PTPRT: variants seen among roughly 807,000 people sequenced by gnomAD.
PTPRT encodes the protein protein tyrosine phosphatase receptor type T.
In PTPRT, 56 loss-of-function variants were observed where a neutral mutation model predicts 176.8. The observed-to-expected ratio is 0.32, with a 90% confidence interval of 0.26 to 0.40. The LOEUF (loss-of-function observed/expected upper bound fraction) is 0.40. Among genes scored for constraint, PTPRT ranks in the 10% least tolerant of loss-of-function variants. The probability of loss-of-function intolerance (pLI) is 1.00; values close to 1 mark genes in which losing one functional copy is unlikely to be tolerated. For missense variants in PTPRT, 1,540 were observed against 1,908.2 expected (o/e 0.81, Z 3.60); for synonymous variants, 783 against 739.0 (o/e 1.06, Z -0.96).
At chr20:42,429,238 T>C (rs1009003422) in intron 9 of PTPRT, among the ~76,000 whole-genome samples, 41 of 152,136 alleles carry the variant, frequency 2.7e-4, no homozygotes, top group African/African-American at 9.7e-4. Flanking sequence ...ATGGTAAAGA[T>C]AATGGGGTCT....
intron 17 of PTPRT, among the ~76,000 whole-genome samples, chr20:42,145,214 T>C (rs1468582132): frequency 6.6e-6 from 1 of 151,992 alleles, no homozygotes; most frequent in Non-Finnish European, 1.5e-5. Context: ...CAAAAATAGG[T>C]GTTGGGGCCA....
At chr20:42,297,394 C>G (rs1441293867) in intron 12 of PTPRT, among the ~76,000 whole-genome samples, 2 of 152,090 alleles carry the variant, frequency 1.3e-5, no homozygotes, top group African/African-American at 4.8e-5. Flanking sequence ...ATAATGTAGA[C>G]TCGAACAAAT....
At position 43,177,261 on chromosome 20, in the gene PTPRT, T is replaced by C. The variant is rs113451087; in HGVS notation, c.88+12385A>G. ...TAGTGGAATTTATCCATGGTTCTTC[T>C]CCCTTCATCCATTTGGACCTGACAT... On this transcript the variant is annotated intron_variant, in intron 1 of 30. Transcript: ENST00000373187. 7.2e-3 allele frequency among the ~76,000 whole-genome samples: 1,096 copies of C among 152,292 alleles called. 7 individuals are homozygous for C. The highest frequency in any genetic ancestry group is 0.014 in the Middle Eastern group (4 of 294).
At chr20:42,573,852 C>T (rs537366954) in intron 7 of PTPRT, among the ~76,000 whole-genome samples, 1 of 146,758 alleles carries the variant, frequency 6.8e-6, no homozygotes, top group African/African-American at 2.5e-5. Flanking sequence ...CAGGTTTAAG[C>T]ACTTCTCTGC....
chr20:42,276,273 G>A (rs2057028167), intron 13 of PTPRT, among the ~76,000 whole-genome samples: 1 of 151,532 alleles, frequency 6.6e-6, no homozygotes, highest in Non-Finnish European at 1.5e-5. Flanking sequence ...GTCAAGTACT[G>A]AAAAGTGAGG....
the PTPRT span, among the ~76,000 whole-genome samples, chr20:42,049,700 G>A: frequency 6.6e-6 from 1 of 152,144 alleles, no homozygotes; most frequent in African/African-American, 2.4e-5. Context: ...TGTGGGGCTG[G>A]GGTACAGAAA....
intron 12 of PTPRT, among the ~76,000 whole-genome samples, chr20:42,286,218 A>G (rs2057228380): frequency 6.6e-6 from 1 of 151,866 alleles, no homozygotes; most frequent in Admixed American, 6.6e-5. Context: ...CATTATAGAA[A>G]TAGAAAGAAG....
intron 6 of PTPRT, among the ~76,000 whole-genome samples, chr20:42,741,610 TGCTGGGATTA>T (rs2076612023): frequency 6.6e-6 from 1 of 151,942 alleles, no homozygotes; most frequent in Admixed American, 6.6e-5. Flanking sequence ...CTTCCCAAAG[TGCTGGGATTA>T]CAGGCATGAG....
chr20:42,576,607 G>C (rs2073266689), intron 7 of PTPRT, among the ~76,000 whole-genome samples: 1 of 152,112 alleles, frequency 6.6e-6, no homozygotes, highest in South Asian at 2.1e-4. Context: ...GAGTTCTCTG[G>C]AACTTGCAAG....
rs139413690 is a variant in PTPRT, at chr20:42,393,763, C to T, written c.1561-41478G>A. 1.5e-3 allele frequency among the ~76,000 whole-genome samples: 232 copies of T among 152,344 alleles called. 1 individual carries two copies. The highest frequency in any genetic ancestry group is 3.8e-3 in the Admixed American group (58 of 15,300). ...GTTTTTAAATATTGTATCCTAACTT[C>T]ATTCTTCCTATAAGCCCTGTAATTT... On this transcript the variant is annotated intron_variant, in intron 9 of 30. Coordinates refer to ENST00000373187, the MANE Select transcript of PTPRT (RefSeq NM_007050.6).
chr20:43,069,900 G>T (rs940112013), intron 1 of PTPRT, among the ~76,000 whole-genome samples: 2 of 152,090 alleles, frequency 1.3e-5, no homozygotes, highest in Non-Finnish European at 2.9e-5. Flanking sequence ...ATCCTATTTT[G>T]CCAGGAAAGA....
At position 42,750,903 on chromosome 20, in the gene PTPRT, G is replaced by A. The variant is rs55839807; in HGVS notation, c.859+5559C>T. 3.6e-3 allele frequency among the ~76,000 whole-genome samples: 554 copies of A among 152,264 alleles called. 6 individuals are homozygous for A. The highest frequency in any genetic ancestry group is 0.013 in the African/African-American group (523 of 41,550). On this transcript the variant is annotated intron_variant, in intron 6 of 30. Transcript: ENST00000373187. The stretch of plus-strand genomic sequence containing the variant: ...TGAGGGGCCGAATTGTCAATTGAGC[G>A]AAACCTCAATTACAGAGTAATCTAA...
At chr20:42,558,300 T>C (rs2072894691) in intron 7 of PTPRT, among the ~76,000 whole-genome samples, 1 of 152,108 alleles carries the variant, frequency 6.6e-6, no homozygotes, top group Non-Finnish European at 1.5e-5. Context: ...TCCATCCACG[T>C]CCCTGAAAAA....
At chr20:42,183,685 C>A (rs1990613391) in intron 16 of PTPRT, among the ~76,000 whole-genome samples, 1 of 152,132 alleles carries the variant, frequency 6.6e-6, no homozygotes, top group Admixed American at 6.6e-5. Flanking sequence ...AGGATGACCA[C>A]AATTGATTCC....
chr20:42,918,921 A>G (rs2145948925), intron 1 of PTPRT, among the ~76,000 whole-genome samples: 1 of 152,260 alleles, frequency 6.6e-6, no homozygotes. Flanking sequence ...TCCACTCCTC[A>G]ACACCAGAAG....
At chr20:42,932,638 G>A (rs1979934463) in intron 1 of PTPRT, among the ~76,000 whole-genome samples, 1 of 152,134 alleles carries the variant, frequency 6.6e-6, no homozygotes, top group Non-Finnish European at 1.5e-5. Context: ...AACTTTCCCA[G>A]TTTCTGCACT....
At chr20:42,995,192 T>A (rs1185476251) in intron 1 of PTPRT, among the ~76,000 whole-genome samples, 1 of 152,226 alleles carries the variant, frequency 6.6e-6, no homozygotes, top group Non-Finnish European at 1.5e-5. Flanking sequence ...GACAACACTT[T>A]GTTTAGTTTT....
intron 5 of PTPRT, among the ~76,000 whole-genome samples, chr20:42,768,078 C>T (rs2077010437): frequency 6.6e-6 from 1 of 150,880 alleles, no homozygotes; most frequent in East Asian, 1.9e-4. Flanking sequence ...TACCTGATTG[C>T]ACATAAGCCT....
chr20:43,122,529 G>T (rs1301213498), intron 1 of PTPRT, among the ~76,000 whole-genome samples: 1 of 152,188 alleles, frequency 6.6e-6, no homozygotes. Context: ...AGTGGGAGAT[G>T]ATTGGATCAT....
Sources: allele counts gnomAD v4.1 joint callset (sites outside exome capture counted in the v4.1 genomes callset), GRCh38; gene constraint gnomAD v4.1.1; transcripts MANE v1.5; gene names NCBI Gene and HGNC (gene_info 2026-07-23, HGNC 2026-07-21).